DENND4C: variants seen among roughly 807,000 people sequenced by gnomAD.
DENND4C encodes the protein DENN domain containing 4C.
In DENND4C, 108 loss-of-function variants were observed where a neutral mutation model predicts 203.0. The ratio of observed to expected loss-of-function variants is 0.53; its 90% CI spans 0.46 to 0.62. DENND4C has a LOEUF of 0.62. DENND4C is among the 20% of genes least tolerant of loss of function. The pLI is 0.00. For synonymous variants in DENND4C, 871 were observed against 792.4 expected (o/e 1.10, Z -1.67); for missense variants, 2,481 against 2,301.2 (o/e 1.08, Z -1.60).
chr9:19,270,746 A>G (rs1275831510), intron 1 of DENND4C, among the ~76,000 whole-genome samples: 1 of 152,162 alleles, frequency 6.6e-6, no homozygotes, highest in Non-Finnish European at 1.5e-5. Flanking sequence ...CCAGTGCAAT[A>G]AGGCAAGAAA....
intron 9 of DENND4C, among the ~76,000 whole-genome samples, chr9:19,301,323 C>T (rs549934915): frequency 1.3e-5 from 2 of 152,316 alleles, no homozygotes; most frequent in Non-Finnish European, 2.9e-5. Context: ...CTCTTCCCTT[C>T]CCCATTTTAA....
chr9:19,270,912 T>C (rs1200575074), intron 1 of DENND4C, among the ~76,000 whole-genome samples: 2 of 152,172 alleles, frequency 1.3e-5, no homozygotes, highest in Non-Finnish European at 2.9e-5. Context: ...TATGTAAAAA[T>C]CAATTGTATT....
chr9:19,321,831 CAAAA>C (rs35648828), intron 12 of DENND4C, among the ~76,000 whole-genome samples: 3 of 86,866 alleles, frequency 3.5e-5, no homozygotes, highest in Non-Finnish European at 4.8e-5. Flanking sequence ...GACTCCATCT[CAAAA>C]AAAAAAAAAA....
rs1842491996 is a variant in DENND4C, at chr9:19,319,411, T to TATATATATACATATATATATACACAC, written c.1807+2582_1807+2607dup. On this transcript the variant is annotated intron_variant, in intron 12 of 32. Coordinates refer to ENST00000434457, the MANE Select transcript of DENND4C (RefSeq NM_001330640.2). ...ATATATACATATATATATACACACA[T>TATATATATACATATATATATACACAC]ATATATATACATATATATATACACA... Among the ~76,000 whole-genome samples the TATATATATACATATATATATACACAC allele has an allele frequency of 4.2e-5, 6 of 141,978 alleles. No homozygotes were observed. In the East Asian group the frequency reaches 6.0e-4, roughly 14 times the overall value. The allele number at this position is 141,978 out of a possible 152,430, so 93.1% of individuals were successfully genotyped here.
intron 1 of DENND4C, among the ~76,000 whole-genome samples, chr9:19,265,582 T>A (rs1830327419): frequency 1.3e-5 from 2 of 152,148 alleles, no homozygotes; most frequent in Non-Finnish European, 2.9e-5. Context: ...TAGGTATATC[T>A]CCTAATGCTA....
At chr9:19,326,256 A>G in intron 15 of DENND4C, 62 bp downstream of exon 15, 3 of 1,521,960 alleles carry the variant, frequency 2.0e-6, no homozygotes, top group Non-Finnish European at 2.6e-6. Flanking sequence ...AATTTTTATT[A>G]GTAGATATGT....
intron 1 of DENND4C, among the ~76,000 whole-genome samples, chr9:19,272,730 T>G (rs1363048858): frequency 6.6e-6 from 1 of 152,146 alleles, no homozygotes; most frequent in Non-Finnish European, 1.5e-5. Flanking sequence ...GGAAATGTTT[T>G]CTTTATGACA....
chr9:19,324,569 C>G (rs1327290279), intron 13 of DENND4C, 62 bp downstream of exon 13: 1 of 1,509,798 alleles, frequency 6.6e-7, no homozygotes, highest in Non-Finnish European at 9.0e-7. Flanking sequence ...GTGTAATTAT[C>G]ATTGTTATTG....
chr9:19,253,397 C>T (rs1259651437), intron 1 of DENND4C, among the ~76,000 whole-genome samples: 1 of 152,144 alleles, frequency 6.6e-6, no homozygotes, highest in African/African-American at 2.4e-5. Context: ...CTTTCAGTGG[C>T]AGGTACAATG....
rs192849980 is a variant in DENND4C, at chr9:19,289,608, C to T, written c.628+943C>T. On this transcript the variant is annotated intron_variant, in intron 4 of 32. Transcript: ENST00000434457. ...CTTTGGGAGAGTGAGGCGGGCAGAT[C>T]GCTTGAGGCCAGGAGTTTGAGACCA... 2.0e-4 allele frequency among the ~76,000 whole-genome samples: 30 copies of T among 152,178 alleles called. No homozygotes were observed. In the East Asian group the frequency reaches 2.9e-3, roughly 15 times the overall value.
chr9:19,330,383 A>G (rs1818826797), intron 16 of DENND4C, among the ~76,000 whole-genome samples: 1 of 130,252 alleles, frequency 7.7e-6, no homozygotes, highest in Non-Finnish European at 1.5e-5. Flanking sequence ...TCTGTCATCC[A>G]GGCTGGAGTG....
chr9:19,245,987 C>G (rs1409978838), intron 1 of DENND4C, among the ~76,000 whole-genome samples: 1 of 151,400 alleles, frequency 6.6e-6, no homozygotes, highest in African/African-American at 2.4e-5. Context: ...AGTTCTCTCA[C>G]TGGACATTTC....
chr9:19,338,004 C>T (rs1820860509), intron 20 of DENND4C, among the ~76,000 whole-genome samples: 1 of 152,116 alleles, frequency 6.6e-6, no homozygotes, highest in Non-Finnish European at 1.5e-5. Flanking sequence ...GTGGCCATTG[C>T]TTTCCAAAAC....
Position 19,372,097 on chromosome 9 carries a change from G to A in DENND4C, c.5801G>A (p.Arg1934Lys), listed in dbSNP as rs1828950652. ...YNSLSSEILE[R>K]LQKIDAPPSA... Reference sequence around the variant, plus strand: ...AGTCTGTCTTCAGAGATTCTTGAAAGGTTGCAGAAAATTGATGCTCCACCA... The same window carrying A: ...AGTCTGTCTTCAGAGATTCTTGAAAAGTTGCAGAAAATTGATGCTCCACCA... The change falls in exon 33 of 33, where the codon AGG becomes AAG. Residue 1934 changes from arginine (R) to lysine (K), a missense_variant. Transcript: ENST00000434457. The A allele has an allele frequency of 1.4e-5, 22 of 1,614,072 alleles. No individual in the cohort carries two copies. Among genetic ancestry groups the A allele is most frequent in the Non-Finnish European group, 1.9e-5 (22 of 1,180,002 alleles).
chr9:19,244,614 A>G (rs938787142), intron 1 of DENND4C, among the ~76,000 whole-genome samples: 3 of 151,618 alleles, frequency 2.0e-5, no homozygotes, highest in Admixed American at 1.3e-4. Flanking sequence ...GTTGCACGTG[A>G]CTGTAGTCTC....
intron 1 of DENND4C, among the ~76,000 whole-genome samples, chr9:19,258,262 A>G (rs555396025): frequency 2.0e-5 from 3 of 152,342 alleles, no homozygotes; most frequent in African/African-American, 7.2e-5. Context: ...TCACAGGCAA[A>G]TTCTATCAGA....
intron 5 of DENND4C, 33 bp from the exon 6 acceptor site, chr9:19,295,975 C>T (rs763765277): frequency 1.3e-6 from 2 of 1,507,416 alleles, no homozygotes; most frequent in South Asian, 2.4e-5. Flanking sequence ...CAAACAAACT[C>T]AAATCTTATA....
At chr9:19,311,627 G>A (rs765234304) in intron 10 of DENND4C, among the ~76,000 whole-genome samples, 5 of 151,942 alleles carry the variant, frequency 3.3e-5, no homozygotes, top group East Asian at 3.9e-4. Context: ...GACTTTTCAC[G>A]GAAAATCAAA....
chr9:19,253,106 G>A (rs1001404161), intron 1 of DENND4C, among the ~76,000 whole-genome samples: 1 of 152,200 alleles, frequency 6.6e-6, no homozygotes, highest in Admixed American at 6.5e-5. Context: ...AGATGCATAT[G>A]CCTTCTTACG....
Sources: allele counts gnomAD v4.1 joint callset (sites outside exome capture counted in the v4.1 genomes callset), GRCh38; gene constraint gnomAD v4.1.1; transcripts MANE v1.5; gene names NCBI Gene and HGNC (gene_info 2026-07-23, HGNC 2026-07-21).